CIAO2A: variants seen among roughly 807,000 people sequenced by gnomAD.
CIAO2A encodes the protein MIP18 family protein FAM96A.
In CIAO2A, 17 loss-of-function variants were observed where a neutral mutation model predicts 22.4. That is an observed-to-expected ratio of 0.76 (90% CI 0.52 to 1.14). The LOEUF (loss-of-function observed/expected upper bound fraction) is 1.14, where lower values mean the gene tolerates loss of function less well. Among genes scored for constraint, CIAO2A ranks in the 50% most tolerant of loss-of-function variants. The pLI, the probability that CIAO2A is intolerant of heterozygous loss-of-function variation, is 0.00. For synonymous variants in CIAO2A, 74 were observed against 72.3 expected (o/e 1.02, Z -0.12); for missense variants, 192 against 191.4 (o/e 1.00, Z -0.02).
At chr15:64,075,451 A>G (rs1005201742) in intron 4 of CIAO2A, 41 bp downstream of exon 4, 26 of 1,318,500 alleles carry the variant, frequency 2.0e-5, no homozygotes, top group Non-Finnish European at 2.8e-5. Context: ...ATAAAATACT[A>G]TCTGAAGTTG....
chr15:64,087,525 G>A (rs1310391823), intron 2 of CIAO2A, among the ~76,000 whole-genome samples: 2 of 152,062 alleles, frequency 1.3e-5, no homozygotes, highest in Non-Finnish European at 2.9e-5. Flanking sequence ...CACCACGCCC[G>A]GTCACCAATG....
At chr15:64,087,900 G>T (rs2080810442) in intron 2 of CIAO2A, among the ~76,000 whole-genome samples, 1 of 151,606 alleles carries the variant, frequency 6.6e-6, no homozygotes, top group South Asian at 2.1e-4. Flanking sequence ...AAATACAAAT[G>T]TATGTTTTTG....
chr15:64,087,061 G>GCCAC (rs1370481321), intron 2 of CIAO2A, among the ~76,000 whole-genome samples: 2 of 145,734 alleles, frequency 1.4e-5, no homozygotes, highest in Non-Finnish European at 3.0e-5. Context: ...ACAGGTGTGT[G>GCCAC]CCACCATGCC....
intron 1 of CIAO2A, chr15:64,090,387 C>G (rs2080831192): frequency 6.5e-6 from 1 of 153,128 alleles, no homozygotes; most frequent in Non-Finnish European, 1.5e-5. Context: ...GCCTGGGCCC[C>G]AATTCCAGAG....
Position 64,073,012 on chromosome 15 carries a change from A to G in CIAO2A, c.402T>C (p.Asn134=), listed in dbSNP as rs958955584. ...TTGCAGCTGCCACTCGCTCTTTGTC[A>G]TTTATCTGCTTATTGACTGAAAAAT... ...STEEDINKQI[N]DKERVAAAME... Residue 134 remains asparagine, a synonymous_variant, in exon 5 of 5, where the codon AAT becomes AAC. Coordinates refer to ENST00000300030, the MANE Select transcript of CIAO2A (RefSeq NM_032231.7). The G allele has an allele frequency of 1.9e-6, 3 of 1,613,130 alleles. No homozygotes were observed. Among genetic ancestry groups the G allele is most frequent in the South Asian group, 1.1e-5 (1 of 91,024 alleles).
At chr15:64,080,824 T>TA (rs1208260243) in intron 3 of CIAO2A, among the ~76,000 whole-genome samples, 11 of 152,118 alleles carry the variant, frequency 7.2e-5, no homozygotes, top group Non-Finnish European at 1.2e-4. Flanking sequence ...CTCAAAATGT[T>TA]AAACACAGAG....
chr15:64,088,669 A>G lies in CIAO2A; in HGVS notation c.289+18T>C. On this transcript the variant is annotated intron_variant, in intron 2 of 4. Transcript: ENST00000300030. ...TTAGAATTTATATAAATATACATGTATGTACAGAAAAACTTACCAATAAGA... is the reference window on the plus strand; with the variant it reads ...TTAGAATTTATATAAATATACATGTGTGTACAGAAAAACTTACCAATAAGA... 6.3e-7 allele frequency: 1 copy of G among 1,586,294 alleles called. No homozygotes were observed. The highest frequency in any genetic ancestry group is 8.6e-7 in the Non-Finnish European group (1 of 1,165,262).
intron 2 of CIAO2A, among the ~76,000 whole-genome samples, chr15:64,081,682 G>A (rs754621262): frequency 4.0e-5 from 6 of 151,716 alleles, no homozygotes; most frequent in Admixed American, 2.0e-4. Flanking sequence ...GATTACAGGC[G>A]CACACCACCA....
At chr15:64,087,699 T>A (rs2080808781) in intron 2 of CIAO2A, among the ~76,000 whole-genome samples, 1 of 152,102 alleles carries the variant, frequency 6.6e-6, no homozygotes, top group Non-Finnish European at 1.5e-5. Flanking sequence ...ACCTTTTCAA[T>A]CTTTTTTATA....
chr15:64,085,205 T>C (rs1445060101), intron 2 of CIAO2A, among the ~76,000 whole-genome samples: 1 of 152,254 alleles, frequency 6.6e-6, no homozygotes, highest in African/African-American at 2.4e-5. Flanking sequence ...TGTACCAATA[T>C]GATTAGCATG....
rs1340023926 is a variant in CIAO2A, at chr15:64,072,857, A to G, written c.*74T>C. ...ACAAATCACCTATGTATTAAACATG[A>G]GTCTCTGACATTATACAAAGAGTTT... On this transcript the variant is annotated 3_prime_UTR_variant, in exon 5 of 5. Coordinates refer to ENST00000300030, the MANE Select transcript of CIAO2A (RefSeq NM_032231.7). 3 of 947,384 alleles carry G rather than the reference A, an allele frequency of 3.2e-6. No homozygotes were observed. The highest frequency in any genetic ancestry group is 1.7e-6 in the Non-Finnish European group (1 of 604,020). 58.7% of individuals were successfully genotyped at this position (947,384 alleles called of 1,614,324 possible).
At chr15:64,075,397 T>C (rs1025553836) in intron 4 of CIAO2A, 95 bp downstream of exon 4, 9 of 756,676 alleles carry the variant, frequency 1.2e-5, no homozygotes, top group Middle Eastern at 2.7e-4. Flanking sequence ...TTTTTGAAAG[T>C]AACCCAGTAG....
Position 64,088,965 on chromosome 15 carries a change from C to T in CIAO2A, c.125-114G>A, listed in dbSNP as rs1248159786. The T allele has an allele frequency of 9.1e-6, 8 of 882,886 alleles. 1 individual carries two copies. The highest frequency in any genetic ancestry group is 6.9e-4 in the Middle Eastern group (2 of 2,896). 54.7% of individuals were successfully genotyped at this position (882,886 alleles called of 1,614,324 possible). ...TTCTCTTACGTTTAAGCAAATAGTA[C>T]AGCAACTCCCAGGTTTCTGACAGAA... On this transcript the variant is annotated intron_variant, in intron 1 of 4. Transcript: ENST00000300030.
intron 4 of CIAO2A, chr15:64,075,163 A>G (rs72755060): frequency 0.046 from 8,149 of 175,436 alleles, 232 homozygotes; most frequent in South Asian, 0.084. Flanking sequence ...CTTCAATTTC[A>G]AGTACACAGC....
At chr15:64,073,529 TACTC>T (rs1567303502) in intron 4 of CIAO2A, among the ~76,000 whole-genome samples, 1 of 152,212 alleles carries the variant, frequency 6.6e-6, no homozygotes, top group Non-Finnish European at 1.5e-5. Context: ...TTCCTAAAAT[TACTC>T]ACCAGTTTAT....
Position 64,078,639 on chromosome 15 carries a change from C to CA in CIAO2A, c.339+2462dup, listed in dbSNP as rs56266808. ...CGACAGAGCGAGATTCCATCGCAAA[C>CA]AAAAAAAAAAAAAAAAGAAAAGAGA... On this transcript the variant is annotated intron_variant, in intron 3 of 4. Transcript: ENST00000300030. Among the ~76,000 whole-genome samples, 618 of 129,138 alleles carry CA rather than the reference C, an allele frequency of 4.8e-3. 12 individuals are homozygous for CA. The highest frequency in any genetic ancestry group is 0.018 in the African/African-American group (603 of 34,194). The allele number at this position is 129,138 out of a possible 152,430, so 84.7% of individuals were successfully genotyped here.
At chr15:64,081,595 T>C (rs1295936110) in intron 2 of CIAO2A, among the ~76,000 whole-genome samples, 21 of 146,834 alleles carry the variant, frequency 1.4e-4, no homozygotes, top group Non-Finnish European at 3.0e-5. Flanking sequence ...TGGAGTGCAG[T>C]GGCATGATCT....
At chr15:64,078,310 G>A (rs1334183752) in intron 3 of CIAO2A, among the ~76,000 whole-genome samples, 2 of 152,190 alleles carry the variant, frequency 1.3e-5, no homozygotes, top group East Asian at 1.9e-4. Flanking sequence ...ACACAGAGAT[G>A]TATCATATAT....
rs750161880 is a variant in CIAO2A, at chr15:64,093,819, C to T, written c.-51G>A. ...CTGTCCCAATCGCGCCACCGTCTCT[C>T]AGCAGCCTCGGGATTGATCAACTTC... On this transcript the variant is annotated 5_prime_UTR_variant, in exon 1 of 5. Transcript: ENST00000300030. 1.3e-6 allele frequency: 2 copies of T among 1,594,584 alleles called. No individual in the cohort carries two copies. Among genetic ancestry groups the T allele is most frequent in the African/African-American group, 1.3e-5 (1 of 74,532 alleles).
Sources: allele counts gnomAD v4.1 joint callset (sites outside exome capture counted in the v4.1 genomes callset), GRCh38; gene constraint gnomAD v4.1.1; transcripts MANE v1.5; gene names NCBI Gene and HGNC (gene_info 2026-07-23, HGNC 2026-07-21).